Variants in SNTG1 observed in about 807,000 individuals in gnomAD.
SNTG1 encodes syntrophin gamma 1, also known as gamma-1-syntrophin.
A neutral mutation model predicts 74.7 loss-of-function variants in SNTG1; 39 were observed. That is an observed-to-expected ratio of 0.52 (90% confidence interval 0.40 to 0.68). SNTG1 has a LOEUF of 0.68. SNTG1 is among the 30% of genes least tolerant of loss of function. SNTG1 has a pLI of 0.00. For missense variants in SNTG1, 685 were observed against 609.5 expected (o/e 1.12, Z -1.30); for synonymous variants, 254 against 217.1 (o/e 1.17, Z -1.49).
At chr8:49,914,918 T>C (rs892672904) in intron 1 of SNTG1, 15 of 152,212 alleles carry the variant, frequency 9.9e-5, no homozygotes, top group East Asian at 1.9e-4. Context: ...CAGTGTGTTA[T>C]AGAATAGAAT....
intron 2 of SNTG1, among the ~76,000 whole-genome samples, chr8:50,205,287 T>C (rs933977324): frequency 3.3e-5 from 5 of 152,196 alleles, no homozygotes; most frequent in Non-Finnish European, 7.3e-5. Flanking sequence ...TGGTATCTCA[T>C]TGTGGTTTTG....
At chr8:50,397,210 G>A (rs923287491) in intron 3 of SNTG1, among the ~76,000 whole-genome samples, 2 of 152,146 alleles carry the variant, frequency 1.3e-5, no homozygotes, top group African/African-American at 4.8e-5. Context: ...TATATCACAT[G>A]CATTCCTTTA....
intron 13 of SNTG1, among the ~76,000 whole-genome samples, chr8:50,612,964 G>A (rs953064137): frequency 2.6e-5 from 4 of 152,036 alleles, no homozygotes; most frequent in African/African-American, 9.7e-5. Flanking sequence ...TAAGATGAAA[G>A]CCAAGTGTAC....
At chr8:50,413,379 T>A (rs1172091133) in intron 4 of SNTG1, among the ~76,000 whole-genome samples, 6 of 152,176 alleles carry the variant, frequency 3.9e-5, no homozygotes. Flanking sequence ...GTTTGATGTA[T>A]TTTGTAATAT....
At chr8:50,209,421 C>T (rs1248763272) in intron 2 of SNTG1, among the ~76,000 whole-genome samples, 1 of 152,196 alleles carries the variant, frequency 6.6e-6, no homozygotes, top group African/African-American at 2.4e-5. Flanking sequence ...CAGACTGCCT[C>T]CTCAAGTGGG....
chr8:50,655,862 T>A (rs1444297876), intron 13 of SNTG1, among the ~76,000 whole-genome samples: 1 of 152,208 alleles, frequency 6.6e-6, no homozygotes, highest in Non-Finnish European at 1.5e-5. Flanking sequence ...AAACTGATTG[T>A]CATTAGCCAC....
chr8:50,315,806 T>C (rs1481012186), intron 2 of SNTG1, among the ~76,000 whole-genome samples: 2 of 152,138 alleles, frequency 1.3e-5, no homozygotes, highest in Non-Finnish European at 1.5e-5. Flanking sequence ...ATTCCCACCA[T>C]GAACACCTGC....
intron 1 of SNTG1, among the ~76,000 whole-genome samples, chr8:50,150,740 C>T (rs1351794478): frequency 6.6e-6 from 1 of 152,160 alleles, no homozygotes; most frequent in Non-Finnish European, 1.5e-5. Context: ...TTGAACCAGA[C>T]TTGCATCCCA....
Position 50,565,164 on chromosome 8 carries a change from A to C in SNTG1, c.810+11985A>C, listed in dbSNP as rs531342491. Among the ~76,000 whole-genome samples, 3 of 152,114 alleles carry C rather than the reference A, an allele frequency of 2.0e-5. No individual in the cohort carries two copies. In the East Asian group the frequency reaches 5.8e-4, roughly 29 times the overall value. ...AAATACCTGACCAGCACTCCTCAAG[A>C]CTGACAATGTCTTCAAAAATAAGGA... On this transcript the variant is annotated intron_variant, in intron 12 of 18. Transcript: ENST00000642720.
At chr8:50,036,059 T>A (rs1378645259) in intron 1 of SNTG1, among the ~76,000 whole-genome samples, 1 of 152,168 alleles carries the variant, frequency 6.6e-6, no homozygotes, top group Non-Finnish European at 1.5e-5. Flanking sequence ...TCTTCACAAC[T>A]CCATTTGGGA....
intron 8 of SNTG1, among the ~76,000 whole-genome samples, chr8:50,501,270 T>A (rs1210682459): frequency 6.6e-6 from 1 of 151,942 alleles, no homozygotes; most frequent in Non-Finnish European, 1.5e-5. Context: ...AGGTAAGGTA[T>A]CCGGCCTCTG....
At chr8:50,142,841 G>C (rs1475070274) in intron 1 of SNTG1, among the ~76,000 whole-genome samples, 1 of 152,232 alleles carries the variant, frequency 6.6e-6, no homozygotes, top group Admixed American at 6.5e-5. Context: ...GGAGGCCAAG[G>C]CGGGTGGATC....
intron 1 of SNTG1, among the ~76,000 whole-genome samples, chr8:50,069,823 G>T (rs551856300): frequency 6.6e-6 from 1 of 151,674 alleles, no homozygotes; most frequent in South Asian, 2.1e-4. Flanking sequence ...TTCCTGCTGG[G>T]TTCACTAAGG....
At chr8:50,523,916 A>C (rs1267123890) in intron 9 of SNTG1, among the ~76,000 whole-genome samples, 4 of 152,174 alleles carry the variant, frequency 2.6e-5, no homozygotes, top group African/African-American at 9.6e-5. Flanking sequence ...GGGTTTTAAA[A>C]TCCACTTAAC....
At chr8:50,776,849 C>A (rs534505612) in intron 18 of SNTG1, among the ~76,000 whole-genome samples, 1 of 151,992 alleles carries the variant, frequency 6.6e-6, no homozygotes, top group African/African-American at 2.4e-5. Flanking sequence ...CACTATTTTG[C>A]TGGATATAGG....
intron 1 of SNTG1, among the ~76,000 whole-genome samples, chr8:50,171,292 T>G (rs2082797884): frequency 6.6e-6 from 1 of 152,148 alleles, no homozygotes; most frequent in Non-Finnish European, 1.5e-5. Flanking sequence ...ACAATCACAG[T>G]GTCCCACAAT....
chr8:50,138,628 CAATAAT>C (rs34280300), intron 1 of SNTG1, among the ~76,000 whole-genome samples: 32,155 of 140,650 alleles, frequency 0.23, 3,820 homozygotes, highest in Middle Eastern at 0.31. Flanking sequence ...TCTGTCTCAA[CAATAAT>C]AATAATAATA....
At chr8:50,012,617 G>C (rs1585890118) in intron 1 of SNTG1, among the ~76,000 whole-genome samples, 1 of 152,090 alleles carries the variant, frequency 6.6e-6, no homozygotes. Context: ...GGAGATTACT[G>C]CCATTGAAAA....
chr8:49,997,637 G>T lies in SNTG1; in HGVS notation c.-103+85406G>T, dbSNP rs185091331. On this transcript the variant is annotated intron_variant, in intron 1 of 18. Transcript: ENST00000642720. ...AGCAATGAGTATATTTGTCACAACTGATCATTCCCATACCCTAGAAATATT... is the reference window on the plus strand; with the variant it reads ...AGCAATGAGTATATTTGTCACAACTTATCATTCCCATACCCTAGAAATATT... Among the ~76,000 whole-genome samples the T allele has an allele frequency of 3.5e-3, 535 of 152,218 alleles. 3 individuals carry two copies. The highest frequency in any genetic ancestry group is 0.012 in the African/African-American group (509 of 41,552).
Sources: allele counts gnomAD v4.1 joint callset (sites outside exome capture counted in the v4.1 genomes callset), GRCh38; gene constraint gnomAD v4.1.1; transcripts MANE v1.5; gene names NCBI Gene and HGNC (gene_info 2026-07-23, HGNC 2026-07-21).